Variants in MUC5B observed in about 807,000 individuals in gnomAD.
MUC5B encodes the protein mucin 5B, oligomeric mucus/gel-forming.
A neutral mutation model predicts 376.9 loss-of-function variants in MUC5B; 116 were observed. The observed-to-expected ratio is 0.31, with a 90% CI of 0.26 to 0.36. MUC5B has a LOEUF of 0.36. Ranked by LOEUF, MUC5B falls within the 10% of genes least tolerant of loss-of-function variation. The pLI, the probability that MUC5B is intolerant of heterozygous loss-of-function variation, is 1.00. For synonymous variants in MUC5B, 3,517 were observed against 3,390.9 expected (o/e 1.04, Z -1.29); for missense variants, 7,165 against 7,769.9 (o/e 0.92, Z 2.93).
At chr11:1,225,001 C>A (rs776646353) in intron 1 of MUC5B, among the ~76,000 whole-genome samples, 1 of 152,220 alleles carries the variant, frequency 6.6e-6, no homozygotes, top group African/African-American at 2.4e-5. Flanking sequence ...TGGGTTGGAG[C>A]TGCCTCCTCC....
In MUC5B at chr11:1,233,844, C is replaced by T; in HGVS notation, c.2373C>T (p.Ser791=). The T allele has an allele frequency of 6.2e-7, 1 of 1,600,176 alleles. No homozygotes were observed. The highest frequency in any genetic ancestry group is 8.5e-7 in the Non-Finnish European group (1 of 1,174,446). Residue 791 remains serine, a synonymous_variant, in exon 19 of 49, where the codon AGC becomes AGT. Coordinates refer to ENST00000529681, the MANE Select transcript of MUC5B (RefSeq NM_002458.3). ...GCCTGGGAGCCTCTCTGCAGAAAAG[C>T]ACAGGTAAGTGCCACCCCTGCCCTG... ...LSCLGASLQK[S]TGCAAPMVYL... is the part of the protein sequence containing the mutation.
At position 1,241,349 on chromosome 11, in the gene MUC5B, C is replaced by T. The variant is rs1426617569; in HGVS notation, c.4469C>T (p.Pro1490Leu). The T allele has an allele frequency of 6.2e-7, 1 of 1,611,888 alleles. No individual in the cohort carries two copies. The change falls in exon 31 of 49, where the codon CCC (proline) becomes CTC (leucine). Residue 1490 changes from proline to leucine, a missense_variant. Physicochemically the swap from Pro to Leu is moderately conservative, Grantham distance 98. Around this residue, in one of 31 missense-constraint regions of MUC5B, gnomAD observed 517 missense variants for 545.3 expected, o/e 0.95. Coordinates refer to ENST00000529681, the MANE Select transcript of MUC5B (RefSeq NM_002458.3). ...LTSQTGSSSG[P>L]VTVTPSAPGT... ...TCGCAGACTGGGTCCAGCTCAGGCCCCGTGACGGTCACCCCCTCGGCCCCA... is the reference window on the plus strand; with the variant it reads ...TCGCAGACTGGGTCCAGCTCAGGCCTCGTGACGGTCACCCCCTCGGCCCCA...
In MUC5B at chr11:1,256,211, C is replaced by T. The variant is rs368778725; in HGVS notation, c.16122C>T (p.Ala5374=). The change falls in exon 38 of 49, where the codon GCC becomes GCT. Residue 5374 remains alanine, a synonymous_variant. Transcript: ENST00000529681. ...VYKPCGPIQP[A]TCNSRNQSPQ... ...AGCCATGCGGCCCCATACAGCCTGC[C>T]ACCTGCAACTCTAGGTAAGTACAGG... 2.1e-5 allele frequency: 15 copies of T among 731,260 alleles called. No individual in the cohort carries two copies. The African/African-American group carries it at 2.6e-4, about 13-fold the overall frequency. The allele number at this position is 731,260 out of a possible 1,614,324, so 45.3% of individuals were successfully genotyped here. A position where few individuals can be genotyped will look rare whatever the true frequency, so the allele number is the denominator to read the frequency against.
rs1862337929 is a variant in MUC5B at position 1,243,110 on chromosome 11, T to A, written c.6230T>A (p.Ile2077Asn). 1 of 1,608,992 alleles carries A rather than the reference T, an allele frequency of 6.2e-7. No individual in the cohort carries two copies. The highest frequency in any genetic ancestry group is 8.5e-7 in the Non-Finnish European group (1 of 1,178,022). ...PGTALTPPVW[I>N]STTTTPTTRG... ...ACGGCACTCACGCCTCCAGTGTGGA[T>A]CAGCACAACCACCACACCCACAACC... The change falls in exon 31 of 49, where the codon ATC (isoleucine) becomes AAC (asparagine). Residue 2077 changes from isoleucine (I) to asparagine (N), a missense_variant. Around this residue, in one of 31 missense-constraint regions of MUC5B, gnomAD observed 897 missense variants for 779.6 expected, o/e 1.15. Transcript: ENST00000529681.
At position 1,245,733 on chromosome 11, in the gene MUC5B, G is replaced by C. The variant is rs771534676; in HGVS notation, c.8853G>C (p.Gly2951=). 2 of 1,609,864 alleles carry C rather than the reference G, an allele frequency of 1.2e-6. No homozygotes were observed. Among genetic ancestry groups the C allele is most frequent in the Admixed American group, 3.3e-5 (2 of 59,828 alleles). Residue 2951 remains glycine (G), a synonymous_variant, in exon 31 of 49, where the codon GGG becomes GGC. Transcript: ENST00000529681. ...TCTGCAGGAACCGTGAGCAGGTGGG[G>C]AAGTTCAAGATGTGCTTCAACTATG... ...GLVCRNREQV[G]KFKMCFNYEI... is the part of the protein sequence containing the mutation.
Position 1,249,556 on chromosome 11 carries a change from G to A in MUC5B, c.12676G>A (p.Gly4226Ser), listed in dbSNP as rs551298472. The change falls in exon 31 of 49, where the codon GGC (glycine) becomes AGC (serine). Residue 4226 changes from glycine (G) to serine (S), a missense_variant. Physicochemically the swap from Gly to Ser is moderately conservative, Grantham distance 56. Coordinates refer to ENST00000529681, the MANE Select transcript of MUC5B (RefSeq NM_002458.3). ...YEIRVFCCNY[G>S]HCPSTPATSS... ...AATCCGTGTGTTCTGCTGCAACTAC[G>A]GCCACTGCCCCAGCACCCCGGCCAC... 13 of 1,612,590 alleles carry A rather than the reference G, an allele frequency of 8.1e-6. No homozygotes were observed. Among genetic ancestry groups the A allele is most frequent in the African/African-American group, 1.3e-5 (1 of 74,742 alleles).
At chr11:1,228,519 C>T in intron 7 of MUC5B, 45 bp from the exon 8 acceptor site, 1 of 1,468,344 alleles carries the variant, frequency 6.8e-7, no homozygotes, top group Non-Finnish European at 9.1e-7. Context: ...GTGGCAGCCC[C>T]CATGGATGGC....
chr11:1,259,930 T>C (rs1042706761), intron 45 of MUC5B, 33 bp from the exon 46 acceptor site: 1 of 1,612,774 alleles, frequency 6.2e-7, no homozygotes, highest in Non-Finnish European at 8.5e-7. Context: ...AGGTAATCCC[T>C]ACTCAGCTTC....
Position 1,233,226 on chromosome 11 carries a change from T to G in MUC5B, c.2279T>G (p.Val760Gly). Residue 760 changes from valine (V) to glycine (G), a missense_variant, in exon 18 of 49, where the codon GTG (valine) becomes GGG (glycine). Transcript: ENST00000529681. ...TGCCCCTGCTACGCTCACGGCACCG[T>G]GCTGGCTCCTGGAGAGGTGGTGCAC... The part of the protein sequence containing the change: ...QECPCYAHGT[V>G]LAPGEVVHDE... 4.4e-6 allele frequency: 7 copies of G among 1,594,434 alleles called. No homozygotes were observed. The highest frequency in any genetic ancestry group is 6.0e-6 in the Non-Finnish European group (7 of 1,173,922).
At position 1,233,821 on chromosome 11, in the gene MUC5B, C is replaced by T. The variant is rs1347197286; in HGVS notation, c.2350C>T (p.Leu784=). The T allele has an allele frequency of 1.2e-6, 2 of 1,605,468 alleles. No homozygotes were observed. The highest frequency in any genetic ancestry group is 1.7e-6 in the Non-Finnish European group (2 of 1,176,572). ...ATGTACGGGTGGGAAGCTAAGCTGC[C>T]TGGGAGCCTCTCTGCAGAAAAGCAC... is the stretch of plus-strand genomic sequence containing the variant. The part of the protein sequence containing the change: ...CSCTGGKLSC[L]GASLQKSTGC... Residue 784 remains leucine, a synonymous_variant, in exon 19 of 49, where the codon CTG becomes TTG. Coordinates refer to ENST00000529681, the MANE Select transcript of MUC5B (RefSeq NM_002458.3).
In MUC5B at chr11:1,230,142, AGGTCTGGGCTTGGGGCCG is replaced by A; in HGVS notation, c.1359+5_1359+22del. The A allele has an allele frequency of 6.3e-7, 1 of 1,598,100 alleles. No homozygotes were observed. Among genetic ancestry groups the A allele is most frequent in the Non-Finnish European group, 8.5e-7 (1 of 1,173,588 alleles). On this transcript the variant is annotated splice_donor_variant and splice_donor_5th_base_variant and coding_sequence_variant and intron_variant, in exon 11 of 49. Transcript: ENST00000529681. LOFTEE classifies it high-confidence loss of function. The stretch of plus-strand genomic sequence containing the variant: ...GGTGACTGCAGCTACGTTCTGTCCA[AGGTCTGGGCTTGGGGCCG>A]GGTCTTCAGACACCCAGACCCTCCT...
rs1452632200 is a variant in MUC5B at position 1,244,739 on chromosome 11, C to G, written c.7859C>G (p.Pro2620Arg). The G allele has an allele frequency of 1.9e-6, 3 of 1,612,338 alleles. No homozygotes were observed. Among genetic ancestry groups the G allele is most frequent in the Non-Finnish European group, 1.7e-6 (2 of 1,178,936 alleles). ...TTTTTGFTAT[P>R]SSSPGTARTL... Reference sequence around the variant, plus strand: ...ACAACCACGGGCTTCACAGCCACCCCCTCCTCCAGCCCAGGGACGGCACGC... The same window carrying G: ...ACAACCACGGGCTTCACAGCCACCCGCTCCTCCAGCCCAGGGACGGCACGC... The change falls in exon 31 of 49, where the codon CCC (proline) becomes CGC (arginine). Residue 2620 changes from proline to arginine, a missense_variant. Physicochemically the swap from Pro to Arg is moderately radical, Grantham distance 103. This residue lies in a region of MUC5B where 141 missense variants were observed against 111.2 expected (regional missense o/e 1.27). Transcript: ENST00000529681.
rs117859322 is a variant in MUC5B, at chr11:1,251,787, C to G, written c.14863+44C>G. 39,820 of 1,354,546 alleles carry G rather than the reference C, an allele frequency of 0.029. 766 individuals are homozygous for G. Among genetic ancestry groups the G allele is most frequent in the Non-Finnish European group, 0.033 (32,265 of 975,348 alleles). The allele number at this position is 1,354,546 out of a possible 1,614,324, so 83.9% of individuals were successfully genotyped here. A position where few individuals can be genotyped will look rare whatever the true frequency, so the allele number is the denominator to read the frequency against. On this transcript the variant is annotated intron_variant, in intron 31 of 48. Transcript: ENST00000529681. ...CACTGCTGTACCCTTTCCCCACATG[C>G]TATGCCAACCTGGGTCTGCCTGTCC... is the stretch of plus-strand genomic sequence containing the variant.
chr11:1,254,828 C>A lies in MUC5B; in HGVS notation c.15612C>A (p.Phe5204Leu). The A allele has an allele frequency of 6.2e-7, 1 of 1,612,548 alleles. No homozygotes were observed. The highest frequency in any genetic ancestry group is 1.3e-5 in the African/African-American group (1 of 75,056). The change falls in exon 35 of 49, where the codon TTC becomes TTA. Residue 5204 changes from phenylalanine to leucine, a missense_variant. This residue lies in a region of MUC5B where 842 missense variants were observed against 1,016.9 expected (regional missense o/e 0.83). Transcript: ENST00000529681. Reference sequence around the variant, plus strand: ...GCGTCACCTTCAATGGCCAAGTCTTCCAGGCCCGGCTGCCCTACAGCCTCT... The same window carrying A: ...GCGTCACCTTCAATGGCCAAGTCTTACAGGCCCGGCTGCCCTACAGCCTCT... ...GVSVTFNGQV[F>L]QARLPYSLFH...
At position 1,233,857 on chromosome 11, in the gene MUC5B, C is replaced by T; in HGVS notation, c.2377+9C>T. 1.3e-6 allele frequency: 2 copies of T among 1,570,684 alleles called. No homozygotes were observed. Among genetic ancestry groups the T allele is most frequent in the East Asian group, 2.4e-5 (1 of 41,876 alleles). On this transcript the variant is annotated intron_variant, in intron 19 of 48. Coordinates refer to ENST00000529681, the MANE Select transcript of MUC5B (RefSeq NM_002458.3). Reference sequence around the variant, plus strand: ...TCTGCAGAAAAGCACAGGTAAGTGCCACCCCTGCCCTGCCCTGCCCTGCCC... The same window carrying T: ...TCTGCAGAAAAGCACAGGTAAGTGCTACCCCTGCCCTGCCCTGCCCTGCCC...
In MUC5B at chr11:1,252,979, G is replaced by A. The variant is rs1163513072; in HGVS notation, c.15216G>A (p.Glu5072=). ...SQPCDFHYEC[E]CICSMWGGSH... is the part of the protein sequence containing the mutation. Reference sequence around the variant, plus strand: ...CCTGTGACTTCCACTATGAGTGCGAGTGTGAGTGCGTCGGTGGCCGCGGGA... The same window carrying A: ...CCTGTGACTTCCACTATGAGTGCGAATGTGAGTGCGTCGGTGGCCGCGGGA... The change falls in exon 33 of 49, where the codon GAG becomes GAA. Residue 5072 remains glutamate, a splice_region_variant and synonymous_variant. Transcript: ENST00000529681. 5 of 1,612,622 alleles carry A rather than the reference G, an allele frequency of 3.1e-6. No homozygotes were observed. The South Asian group carries it at 3.3e-5, about 11-fold the overall frequency.
chr11:1,225,972 G>A (rs1400926726), intron 2 of MUC5B, among the ~76,000 whole-genome samples: 1 of 152,228 alleles, frequency 6.6e-6, no homozygotes, highest in Non-Finnish European at 1.5e-5. Context: ...AGGCACATGC[G>A]TGCCCACACT....
In MUC5B at chr11:1,230,511, A is replaced by G. The variant is rs1480540854; in HGVS notation, c.1381A>G (p.Thr461Ala). The part of the protein sequence containing the change: ...LSKKCADSSF[T>A]VLAELRKCGL... ...CCAGAAATGTGCCGACAGCAGCTTCACCGTGCTGGCTGAGCTGCGGAAGTG... is the reference window on the plus strand; with the variant it reads ...CCAGAAATGTGCCGACAGCAGCTTCGCCGTGCTGGCTGAGCTGCGGAAGTG... Residue 461 changes from threonine to alanine, a missense_variant, in exon 12 of 49, where the codon ACC becomes GCC. By Grantham distance (58) the Thr-to-Ala change is moderately conservative. This residue lies in a region of MUC5B where 640 missense variants were observed against 733.0 expected (regional missense o/e 0.87). Coordinates refer to ENST00000529681, the MANE Select transcript of MUC5B (RefSeq NM_002458.3). 2 of 1,609,600 alleles carry G rather than the reference A, an allele frequency of 1.2e-6. No individual in the cohort carries two copies. The highest frequency in any genetic ancestry group is 1.7e-6 in the Non-Finnish European group (2 of 1,178,008).
chr11:1,262,099 A>G lies in MUC5B; in HGVS notation c.*491A>G. The G allele has an allele frequency of 5.7e-6, 3 of 525,302 alleles. No homozygotes were observed. Among genetic ancestry groups the G allele is most frequent in the Non-Finnish European group, 1.2e-5 (3 of 257,364 alleles). The allele number at this position is 525,302 out of a possible 1,614,324, so 32.5% of individuals were successfully genotyped here. On this transcript the variant is annotated 3_prime_UTR_variant, in exon 49 of 49. Coordinates refer to ENST00000529681, the MANE Select transcript of MUC5B (RefSeq NM_002458.3). ...GCTGAGGTCGCAACGGCCAGGTCAG[A>G]GAGGGGTCAGCATCCCAAAGCCCCC...
Sources: allele counts gnomAD v4.1 joint callset (sites outside exome capture counted in the v4.1 genomes callset), GRCh38; gene constraint gnomAD v4.1.1; regional missense constraint gnomAD v4.1.1; transcripts MANE v1.5; gene names NCBI Gene and HGNC (gene_info 2026-07-23, HGNC 2026-07-21).